The following MIPOL1 variants were observed in gnomAD, a reference collection of about 807,000 sequenced individuals.
MIPOL1 encodes mirror-image polydactyly 1.
MIPOL1 carries 57 observed loss-of-function variants against 60.9 expected under a neutral mutation model. The ratio of observed to expected loss-of-function variants is 0.94; its 90% CI spans 0.76 to 1.17. The LOEUF (loss-of-function observed/expected upper bound fraction) is 1.17. MIPOL1 is among the 50% of genes most tolerant of loss of function. The pLI, the probability that MIPOL1 is intolerant of heterozygous loss-of-function variation, is 0.00. For synonymous variants in MIPOL1, 179 were observed against 168.8 expected, an observed-to-expected ratio of 1.06 and a Z score of -0.47; for missense variants, 551 against 511.6, an observed-to-expected ratio of 1.08 and a Z score of -0.74.
chr14:37,509,179 G>C (rs954023665), intron 12 of MIPOL1, among the ~76,000 whole-genome samples: 1 of 151,810 alleles, frequency 6.6e-6, no homozygotes, highest in East Asian at 1.9e-4. Flanking sequence ...GTACTCACCT[G>C]TCCCCTGAGA....
At chr14:37,429,545 A>G (rs17768254) in intron 11 of MIPOL1, among the ~76,000 whole-genome samples, 34,495 of 151,928 alleles carry the variant, frequency 0.23, 4,440 homozygotes, top group South Asian at 0.36. Flanking sequence ...GTATTTTTTG[A>G]TAATAATTAT....
At chr14:37,262,050 A>G (rs989453080) in intron 3 of MIPOL1, among the ~76,000 whole-genome samples, 1 of 152,076 alleles carries the variant, frequency 6.6e-6, no homozygotes, top group Non-Finnish European at 1.5e-5. Flanking sequence ...GTGGGGGGAA[A>G]AACACATATA....
chr14:37,480,495 C>T (rs77307587), intron 11 of MIPOL1, among the ~76,000 whole-genome samples: 2 of 151,318 alleles, frequency 1.3e-5, no homozygotes, highest in African/African-American at 2.4e-5. Flanking sequence ...TGACAAAATT[C>T]AACATCCTTT....
intron 10 of MIPOL1, among the ~76,000 whole-genome samples, chr14:37,370,772 G>A (rs1566459715): frequency 6.6e-6 from 1 of 152,022 alleles, no homozygotes; most frequent in African/African-American, 2.4e-5. Flanking sequence ...CATGAGAAAG[G>A]AACAAATTAT....
chr14:37,400,427 A>G (rs1330792996), intron 10 of MIPOL1: 3 of 152,142 alleles, frequency 2.0e-5, no homozygotes, highest in Non-Finnish European at 4.4e-5. Context: ...TAAGTTTAGA[A>G]AGTGCCTTAC....
intron 11 of MIPOL1, among the ~76,000 whole-genome samples, chr14:37,454,835 T>G (rs2094459462): frequency 6.6e-6 from 1 of 152,192 alleles, no homozygotes; most frequent in Admixed American, 6.6e-5. Context: ...AGGTAGCTGA[T>G]AATTGTTTCT....
intron 11 of MIPOL1, among the ~76,000 whole-genome samples, chr14:37,483,233 C>G (rs1388601749): frequency 1.3e-5 from 2 of 151,776 alleles, no homozygotes; most frequent in African/African-American, 2.4e-5. Flanking sequence ...CTGTCTCAGC[C>G]TCCCGAGTAG....
chr14:37,350,864 A>G (rs529611452), intron 9 of MIPOL1, among the ~76,000 whole-genome samples: 2 of 152,204 alleles, frequency 1.3e-5, no homozygotes, highest in South Asian at 4.1e-4. Context: ...TTCAGTTAAC[A>G]TAATGATCTC....
intron 11 of MIPOL1, among the ~76,000 whole-genome samples, chr14:37,456,775 A>G (rs1399678338): frequency 2.0e-5 from 3 of 152,116 alleles, no homozygotes; most frequent in Admixed American, 2.0e-4. Context: ...GTACTACAAA[A>G]TCTAGTGTTT....
At chr14:37,517,439 C>T (rs1455965770) in intron 12 of MIPOL1, among the ~76,000 whole-genome samples, 5 of 152,110 alleles carry the variant, frequency 3.3e-5, no homozygotes, top group Non-Finnish European at 7.4e-5. Context: ...CATTCTCATA[C>T]ATTACTGGTG....
chr14:37,307,140 A>G (rs1417112585), intron 7 of MIPOL1, among the ~76,000 whole-genome samples: 1 of 151,762 alleles, frequency 6.6e-6, no homozygotes, highest in Non-Finnish European at 1.5e-5. Flanking sequence ...ATCCTATTTT[A>G]TGGTAAATGT....
At chr14:37,484,442 A>G (rs2094917551) in intron 11 of MIPOL1, among the ~76,000 whole-genome samples, 2 of 151,416 alleles carry the variant, frequency 1.3e-5, no homozygotes, top group African/African-American at 4.9e-5. Flanking sequence ...GATTCAAGCA[A>G]TTCTCCTGAC....
chr14:37,386,991 T>C (rs1356343641), intron 10 of MIPOL1, among the ~76,000 whole-genome samples: 1 of 151,926 alleles, frequency 6.6e-6, no homozygotes, highest in Admixed American at 6.6e-5. Flanking sequence ...ATTATACCTA[T>C]TATCTCAAAA....
chr14:37,388,654 A>G (rs1246104823), intron 10 of MIPOL1, among the ~76,000 whole-genome samples: 1 of 151,864 alleles, frequency 6.6e-6, no homozygotes, highest in Non-Finnish European at 1.5e-5. Flanking sequence ...CCCAACCTCT[A>G]TCCCCAGCCC....
chr14:37,368,287 C>T (rs1410947609), intron 9 of MIPOL1, among the ~76,000 whole-genome samples: 1 of 152,018 alleles, frequency 6.6e-6, no homozygotes, highest in Admixed American at 6.6e-5. Flanking sequence ...TATTTGTACA[C>T]AAACATCATT....
At chr14:37,484,888 A>G (rs2094924512) in intron 11 of MIPOL1, among the ~76,000 whole-genome samples, 2 of 152,164 alleles carry the variant, frequency 1.3e-5, no homozygotes. Flanking sequence ...GTACATGTGC[A>G]GAATGTGCAG....
chr14:37,338,097 TA>T (rs1001321166), intron 9 of MIPOL1, among the ~76,000 whole-genome samples: 1,386 of 129,332 alleles, frequency 0.011, 14 homozygotes, highest in Non-Finnish European at 0.016. Flanking sequence ...GCTTTATTTT[TA>T]TTTAATTTAA....
chr14:37,426,592 T>TATATATATAC (rs1358064212), intron 11 of MIPOL1, among the ~76,000 whole-genome samples: 1 of 126,664 alleles, frequency 7.9e-6, no homozygotes, highest in East Asian at 2.2e-4. Flanking sequence ...TATATATATA[T>TATATATATAC]ATACACACAC....
At chr14:37,329,739 A>G (rs2089505665) in intron 9 of MIPOL1, among the ~76,000 whole-genome samples, 2 of 152,162 alleles carry the variant, frequency 1.3e-5, no homozygotes, top group Admixed American at 1.3e-4. Context: ...CATCCAGTAA[A>G]CACTAATACT....
Sources: gnomAD v4.1 joint callset for allele counts (sites outside exome capture counted in the v4.1 genomes callset) on GRCh38, gnomAD v4.1.1 for gene constraint, MANE v1.5 for transcripts, NCBI Gene and HGNC (gene_info 2026-07-23, HGNC 2026-07-21) for gene names.